ASTN2: variants seen among roughly 807,000 people sequenced by gnomAD.
ASTN2 encodes the protein astrotactin-2.
A neutral mutation model predicts 139.8 loss-of-function variants in ASTN2; 54 were observed. The ratio of observed to expected loss-of-function variants is 0.39; its 90% CI spans 0.31 to 0.48. The LOEUF is 0.48. Among genes scored for constraint, ASTN2 ranks in the 20% least tolerant of loss-of-function variants. The pLI is 0.95. For missense variants in ASTN2, 1,565 were observed against 1,725.1 expected, an observed-to-expected ratio of 0.91 and a Z score of 1.64; for synonymous variants, 756 against 719.5, an observed-to-expected ratio of 1.05 and a Z score of -0.81.
In ASTN2 at chr9:117,174,123, C is replaced by CTAGATAGA. The variant is rs35789854; in HGVS notation, c.1016-32653_1016-32646dup. Among the ~76,000 whole-genome samples, 878 of 146,956 alleles carry CTAGATAGA rather than the reference C, an allele frequency of 6.0e-3. 4 individuals are homozygous for CTAGATAGA. Among genetic ancestry groups the CTAGATAGA allele is most frequent in the Middle Eastern group, 0.011 (3 of 268 alleles). Reference sequence around the variant, plus strand: ...GGGATATGTATAGCTAGCTAGCTAACTAGATAGATAGATAGATAGATAGAT... The same window carrying CTAGATAGA: ...GGGATATGTATAGCTAGCTAGCTAACTAGATAGATAGATAGATAGATAGATAGATAGAT... On this transcript the variant is annotated intron_variant, in intron 3 of 22. Coordinates refer to ENST00000313400, the MANE Select transcript of ASTN2 (RefSeq NM_001365068.1).
chr9:117,077,924 G>C (rs1828323152), intron 5 of ASTN2, among the ~76,000 whole-genome samples: 1 of 152,158 alleles, frequency 6.6e-6, no homozygotes, highest in Non-Finnish European at 1.5e-5. Flanking sequence ...TTCATCTAAT[G>C]ATGGGGAACT....
intron 16 of ASTN2, among the ~76,000 whole-genome samples, chr9:116,667,261 C>T (rs1324707675): frequency 6.6e-6 from 1 of 151,862 alleles, no homozygotes; most frequent in Non-Finnish European, 1.5e-5. Context: ...TGGCCTTGAT[C>T]CGTATTTAAA....
intron 16 of ASTN2, among the ~76,000 whole-genome samples, chr9:116,708,706 G>A (rs978189640): frequency 2.5e-4 from 38 of 152,300 alleles, no homozygotes; most frequent in African/African-American, 8.4e-4. Context: ...TTAGCTGAGG[G>A]CCATTCTATC....
intron 1 of ASTN2, among the ~76,000 whole-genome samples, chr9:117,334,826 G>C (rs183361046): frequency 2.6e-5 from 4 of 152,300 alleles, no homozygotes; most frequent in Non-Finnish European, 5.9e-5. Context: ...GGCCGAGGCA[G>C]GTGGATCACC....
intron 19 of ASTN2, among the ~76,000 whole-genome samples, chr9:116,606,288 A>C (rs917977126): frequency 6.6e-6 from 1 of 152,158 alleles, no homozygotes; most frequent in Non-Finnish European, 1.5e-5. Context: ...GAAGGAGACA[A>C]AGAGGGCGCC....
rs541443895 is a variant in ASTN2, at chr9:117,344,036, A to C, written c.443-52523T>G. On this transcript the variant is annotated intron_variant, in intron 1 of 22. Coordinates refer to ENST00000313400, the MANE Select transcript of ASTN2 (RefSeq NM_001365068.1). ...CTCTGTCTTAGATGTTACTCCAAAA[A>C]TTCCTGAAGCAGGAAAAGCATCTCC... is the stretch of plus-strand genomic sequence containing the variant. 9.9e-5 allele frequency among the ~76,000 whole-genome samples: 15 copies of C among 152,194 alleles called. No homozygotes were observed. In the South Asian group the frequency reaches 2.3e-3, roughly 23 times the overall value.
chr9:116,637,652 G>C (rs1322551074), intron 17 of ASTN2, among the ~76,000 whole-genome samples: 1 of 152,132 alleles, frequency 6.6e-6, no homozygotes, highest in Non-Finnish European at 1.5e-5. Context: ...TCAATATAAA[G>C]AAGGGGCTGG....
intron 19 of ASTN2, among the ~76,000 whole-genome samples, chr9:116,556,649 T>C (rs62574413): frequency 0.16 from 24,087 of 152,106 alleles, 2,081 homozygotes; most frequent in African/African-American, 0.21. Context: ...TGACTCAATT[T>C]GACGATGACC....
chr9:116,910,984 G>A (rs1036494996), intron 10 of ASTN2, among the ~76,000 whole-genome samples: 8 of 152,128 alleles, frequency 5.3e-5, no homozygotes, highest in African/African-American at 1.7e-4. Context: ...TATCACCAGA[G>A]GTACCTGCCT....
chr9:116,863,260 A>G (rs1346248059), intron 11 of ASTN2, among the ~76,000 whole-genome samples: 2 of 152,204 alleles, frequency 1.3e-5, no homozygotes, highest in Non-Finnish European at 2.9e-5. Context: ...TATTGTATTC[A>G]CAGAGGTAAG....
intron 10 of ASTN2, among the ~76,000 whole-genome samples, chr9:116,908,113 C>T (rs1306029666): frequency 6.6e-6 from 1 of 152,168 alleles, no homozygotes; most frequent in Admixed American, 6.5e-5. Flanking sequence ...AGAAATGACA[C>T]AGTCTATAGA....
intron 10 of ASTN2, among the ~76,000 whole-genome samples, chr9:116,932,764 G>T (rs570432828): frequency 3.9e-5 from 6 of 152,056 alleles, no homozygotes; most frequent in Non-Finnish European, 8.8e-5. Context: ...CCAGCACTTT[G>T]AGAGGCCACG....
At chr9:116,921,745 GAC>G (rs1193863005) in intron 10 of ASTN2, among the ~76,000 whole-genome samples, 1 of 152,130 alleles carries the variant, frequency 6.6e-6, no homozygotes, top group African/African-American at 2.4e-5. Context: ...TGTCAGAAAA[GAC>G]ACAGTGAGAA....
intron 19 of ASTN2, among the ~76,000 whole-genome samples, chr9:116,512,500 T>C (rs957252737): frequency 6.6e-6 from 1 of 152,234 alleles, no homozygotes; most frequent in Admixed American, 6.5e-5. Flanking sequence ...TGGAGAGTTC[T>C]GTAGATGTCT....
intron 1 of ASTN2, among the ~76,000 whole-genome samples, chr9:117,401,269 A>AC (rs1830819890): frequency 6.6e-6 from 1 of 152,120 alleles, no homozygotes; most frequent in South Asian, 2.1e-4. Context: ...GAGGGAGCAA[A>AC]ATGATGAACA....
In ASTN2 at chr9:116,699,339, T is replaced by C; in HGVS notation, c.2806+26432A>G. The C allele has an allele frequency of 6.2e-7, 1 of 1,614,184 alleles. No homozygotes were observed. Among genetic ancestry groups the C allele is most frequent in the Non-Finnish European group, 8.5e-7 (1 of 1,180,030 alleles). On this transcript the variant is annotated intron_variant, in intron 16 of 22. Transcript: ENST00000313400. The surrounding 1 kb of genome is among the most constrained non-coding windows in gnomAD (Gnocchi z 4.2). ...GGGCACCGTCTACTTCACCCAGGGC[T>C]TAGGCCTCAATCTGGAGAATCGGCA... is the stretch of plus-strand genomic sequence containing the variant.
intron 2 of ASTN2, among the ~76,000 whole-genome samples, chr9:117,254,573 A>T (rs1406134888): frequency 6.6e-6 from 1 of 152,192 alleles, no homozygotes; most frequent in Non-Finnish European, 1.5e-5. Context: ...TTAAGCAATA[A>T]AACAGGGGCA....
intron 2 of ASTN2, among the ~76,000 whole-genome samples, chr9:117,269,019 T>C (rs899116227): frequency 4.6e-5 from 7 of 152,226 alleles, no homozygotes; most frequent in African/African-American, 1.7e-4. Context: ...TAGCAGAGCA[T>C]AAGACAAGCA....
chr9:116,694,459 CTTTTTTTTT>C (rs56666915), intron 16 of ASTN2, among the ~76,000 whole-genome samples: 1 of 88,038 alleles, frequency 1.1e-5, no homozygotes, highest in Non-Finnish European at 2.0e-5. Flanking sequence ...TGTAATTTCT[CTTTTTTTTT>C]TTTTTTTTTT....
Sources: gnomAD v4.1 joint callset for allele counts (sites outside exome capture counted in the v4.1 genomes callset) on GRCh38, gnomAD v4.1.1 for gene constraint, Gnocchi (gnomAD v3.1) non-coding constraint, MANE v1.5 for transcripts, NCBI Gene and HGNC (gene_info 2026-07-23, HGNC 2026-07-21) for gene names.